The following CLDND1 variants were observed in gnomAD, a reference collection of about 807,000 sequenced individuals.
CLDND1 encodes claudin domain containing 1, also known as claudin domain-containing protein 1.
In CLDND1, 13 loss-of-function variants were observed where a neutral mutation model predicts 26.3. That is an observed-to-expected ratio of 0.49 (90% CI 0.32 to 0.78). CLDND1 has a LOEUF of 0.78. CLDND1 is among the 30% of genes least tolerant of loss of function. CLDND1 has a pLI of 0.03. For missense variants in CLDND1, 289 were observed against 312.8 expected (o/e 0.92, Z 0.57); for synonymous variants, 107 against 107.0 (o/e 1.00, Z 0.00).
intron 1 of CLDND1, 95 bp downstream of exon 1, chr3:98,522,754 C>A: frequency 6.2e-7 from 1 of 1,606,622 alleles, no homozygotes; most frequent in African/African-American, 1.3e-5. Context: ...CCGCCCAGCC[C>A]GACCACGCCC....
chr3:98,516,970 C>G, intron 4 of CLDND1, 82 bp downstream of exon 4: 2 of 1,607,060 alleles, frequency 1.2e-6, no homozygotes, highest in Non-Finnish European at 8.5e-7. Flanking sequence ...GCAGTTAATA[C>G]GTGAACATTT....
chr3:98,517,380 A>C, intron 3 of CLDND1, 191 bp from the exon 4 acceptor site: 1 of 626,130 alleles, frequency 1.6e-6, no homozygotes, highest in Admixed American at 3.2e-5. Flanking sequence ...GTAAAAGGAC[A>C]CTAACAGGTA....
chr3:98,520,703 A>C (rs1297737632), intron 2 of CLDND1: 1 of 158,926 alleles, frequency 6.3e-6, no homozygotes, highest in Non-Finnish European at 1.4e-5. Context: ...ACACAGGGGC[A>C]AATGATAGAT....
At chr3:98,522,749 C>CA (rs1706481888) in intron 1 of CLDND1, 100 bp downstream of exon 1, 1 of 1,604,110 alleles carries the variant, frequency 6.2e-7, no homozygotes, top group Non-Finnish European at 8.5e-7. Context: ...GGAACCCGCC[C>CA]AGCCCGACCA....
Position 98,516,597 on chromosome 3 carries a change from G to A in CLDND1, c.*62C>T, listed in dbSNP as rs1706148657. ...AAATTAAAAACAATTGAGAGGTGGG[G>A]AAAATATCAGTATTATTTTAAAAAA... is the stretch of plus-strand genomic sequence containing the variant. On this transcript the variant is annotated 3_prime_UTR_variant, in exon 5 of 5. Transcript: ENST00000341181. 1 of 1,520,276 alleles carries A rather than the reference G, an allele frequency of 6.6e-7. No individual in the cohort carries two copies. Among genetic ancestry groups the A allele is most frequent in the African/African-American group, 1.4e-5 (1 of 70,700 alleles). The allele number at this position is 1,520,276 out of a possible 1,614,324, so 94.2% of individuals were successfully genotyped here.
In CLDND1 at chr3:98,519,004, A is replaced by T; in HGVS notation, c.293-9T>A. 6.9e-7 allele frequency: 1 copy of T among 1,440,972 alleles called. No individual in the cohort carries two copies. Among genetic ancestry groups the T allele is most frequent in the Non-Finnish European group, 9.7e-7 (1 of 1,032,872 alleles). 89.3% of individuals were successfully genotyped at this position (1,440,972 alleles called of 1,614,324 possible). A position where few individuals can be genotyped will look rare whatever the true frequency, so the allele number is the denominator to read the frequency against. Reference sequence around the variant, plus strand: ...GACCACATCAAATGACTCTGGAACAAGAACAATTGCCTGTTGTTTTAATTA... The same window carrying T: ...GACCACATCAAATGACTCTGGAACATGAACAATTGCCTGTTGTTTTAATTA... On this transcript the variant is annotated splice_polypyrimidine_tract_variant and intron_variant, in intron 2 of 4. Coordinates refer to ENST00000341181, the MANE Select transcript of CLDND1 (RefSeq NM_001040181.2).
At position 98,515,867 on chromosome 3, in the gene CLDND1, C is replaced by G; in HGVS notation, c.*792G>C. On this transcript the variant is annotated 3_prime_UTR_variant, in exon 5 of 5. Transcript: ENST00000341181. ...ATAAATAGCAGTTGAGGAATTTTACCTTGTAACTGTAATATAATGTAAAAA... is the reference window on the plus strand; with the variant it reads ...ATAAATAGCAGTTGAGGAATTTTACGTTGTAACTGTAATATAATGTAAAAA... 7.8e-7 allele frequency: 1 copy of G among 1,288,058 alleles called. No homozygotes were observed. The highest frequency in any genetic ancestry group is 1.0e-6 in the Non-Finnish European group (1 of 987,784). The allele number at this position is 1,288,058 out of a possible 1,614,324, so 79.8% of individuals were successfully genotyped here. A position where few individuals can be genotyped will look rare whatever the true frequency, so the allele number is the denominator to read the frequency against.
At chr3:98,516,992 C>T (rs1394592356) in intron 4 of CLDND1, 60 bp downstream of exon 4, 13 of 1,609,184 alleles carry the variant, frequency 8.1e-6, no homozygotes, top group Non-Finnish European at 1.1e-5. Flanking sequence ...AGATTTATAA[C>T]TCTTTGGTCC....
At position 98,516,009 on chromosome 3, in the gene CLDND1, T is replaced by A; in HGVS notation, c.*650A>T. The A allele has an allele frequency of 8.6e-7, 1 of 1,163,404 alleles. No homozygotes were observed. The highest frequency in any genetic ancestry group is 1.1e-6 in the Non-Finnish European group (1 of 929,468). The allele number at this position is 1,163,404 out of a possible 1,614,324, so 72.1% of individuals were successfully genotyped here. A position where few individuals can be genotyped will look rare whatever the true frequency, so the allele number is the denominator to read the frequency against. On this transcript the variant is annotated 3_prime_UTR_variant, in exon 5 of 5. Coordinates refer to ENST00000341181, the MANE Select transcript of CLDND1 (RefSeq NM_001040181.2). ...AAAATAATACTAATCCTCGCCCGGC[T>A]GAACTGGAATTCTTGCAGTTACAAA...
In CLDND1 at chr3:98,521,254, A is replaced by G. The variant is rs1427709730; in HGVS notation, c.171T>C (p.Asp57=). Residue 57 remains aspartate (D), a synonymous_variant, in exon 2 of 5, where the codon GAT becomes GAC. Transcript: ENST00000341181. ...NKSIWDEFIS[D]EADEKTYNDA... is the part of the protein sequence containing the mutation. ...CATTATAAGTCTTTTCATCTGCCTC[A>G]TCACTAATGAATTCATCCCAGATGC... The G allele has an allele frequency of 1.9e-6, 3 of 1,614,214 alleles. No homozygotes were observed. Among genetic ancestry groups the G allele is most frequent in the South Asian group, 2.2e-5 (2 of 91,088 alleles).
At chr3:98,518,810 A>G in intron 3 of CLDND1, 75 bp downstream of exon 3, 2 of 907,826 alleles carry the variant, frequency 2.2e-6, no homozygotes, top group South Asian at 1.4e-5. Flanking sequence ...TCTTATTCCA[A>G]AAACATAGTC....
intron 3 of CLDND1, among the ~76,000 whole-genome samples, chr3:98,517,973 G>A (rs1706222920): frequency 1.3e-5 from 2 of 152,078 alleles, no homozygotes; most frequent in Admixed American, 1.3e-4. Flanking sequence ...TGTCTTATAG[G>A]GCTGTTGAAG....
At chr3:98,518,801 C>T in intron 3 of CLDND1, 84 bp downstream of exon 3, 2 of 813,042 alleles carry the variant, frequency 2.5e-6, no homozygotes, top group Middle Eastern at 2.2e-4. Flanking sequence ...ACTAACTCAT[C>T]TTATTCCAAA....
chr3:98,516,793 C>G lies in CLDND1; in HGVS notation c.628G>C (p.Gly210Arg), dbSNP rs148992077. Residue 210 changes from glycine (G) to arginine (R), a missense_variant, in exon 5 of 5, where the codon GGT (glycine) becomes CGT (arginine). Transcript: ENST00000341181. ...QKLELPDNVS[G>R]EFGWSFCLAC... The stretch of plus-strand genomic sequence containing the variant: ...AGGCAGAAGGACCATCCAAATTCAC[C>G]GGATACATTGTCAGGGAGCTCTAGT... 3.1e-6 allele frequency: 5 copies of G among 1,614,076 alleles called. No individual in the cohort carries two copies. In the Admixed American group the frequency reaches 8.3e-5, roughly 27 times the overall value.
At position 98,521,326 on chromosome 3, in the gene CLDND1, A is replaced by G. The variant is rs777764748; in HGVS notation, c.99T>C (p.Tyr33=). The G allele has an allele frequency of 3.7e-6, 6 of 1,614,120 alleles. No individual in the cohort carries two copies. In the African/African-American group the frequency reaches 5.3e-5, roughly 14 times the overall value. The part of the protein sequence containing the change: ...MAASIGTDFW[Y]EYRSPVQENS... Reference sequence around the variant, plus strand: ...TTTCTTGAACTGGACTTCGATATTCATACCAGAAGTCTGTGCCAATGGAGG... The same window carrying G: ...TTTCTTGAACTGGACTTCGATATTCGTACCAGAAGTCTGTGCCAATGGAGG... The change falls in exon 2 of 5, where the codon TAT becomes TAC. Residue 33 remains tyrosine (Y), a synonymous_variant. Transcript: ENST00000341181.
At chr3:98,521,909 A>C (rs2107159408) in intron 1 of CLDND1, 2 of 558,084 alleles carry the variant, frequency 3.6e-6, no homozygotes, top group East Asian at 5.8e-5. Flanking sequence ...GTTTCCTCTG[A>C]AGAGGGAAGC....
At chr3:98,521,810 T>G (rs1706426486) in intron 1 of CLDND1, 4 of 927,922 alleles carry the variant, frequency 4.3e-6, no homozygotes. Flanking sequence ...CAGACTGAAT[T>G]TTTGCACGAG....
Position 98,518,901 on chromosome 3 carries a change from A to G in CLDND1, c.387T>C (p.Ile129=). The G allele has an allele frequency of 6.2e-7, 1 of 1,603,800 alleles. No individual in the cohort carries two copies. Among genetic ancestry groups the G allele is most frequent in the Non-Finnish European group, 8.5e-7 (1 of 1,170,648 alleles). The change falls in exon 3 of 5, where the codon ATT becomes ATC. Residue 129 remains isoleucine, a synonymous_variant. Coordinates refer to ENST00000341181, the MANE Select transcript of CLDND1 (RefSeq NM_001040181.2). ...FVDPGNHNSG[I]DLLRTYLWRC... is the part of the protein sequence containing the mutation. ...AGTACTCACAGGTCCTAAGGAGATC[A>G]ATCCCGCTATTGTGGTTTCCGGGAT...
At chr3:98,519,933 T>G (rs1043516964) in intron 2 of CLDND1, among the ~76,000 whole-genome samples, 5 of 152,262 alleles carry the variant, frequency 3.3e-5, no homozygotes, top group African/African-American at 1.2e-4. Context: ...AAGTATCCTA[T>G]TGAAAATCAT....
Sources: gnomAD v4.1 joint callset for allele counts (sites outside exome capture counted in the v4.1 genomes callset) on GRCh38, gnomAD v4.1.1 for gene constraint, MANE v1.5 for transcripts, NCBI Gene and HGNC (gene_info 2026-07-23, HGNC 2026-07-21) for gene names.